Variants in CHST15 observed in about 807,000 individuals in gnomAD.
CHST15 encodes carbohydrate sulfotransferase 15, also known as B cell RAG associated protein (GALNAC4S-6ST).
In CHST15, 30 loss-of-function variants were observed where a neutral mutation model predicts 53.6. The observed-to-expected ratio is 0.56, with a 90% CI of 0.42 to 0.76. The LOEUF (loss-of-function observed/expected upper bound fraction) is 0.76, where lower values mean the gene tolerates loss of function less well. Among genes scored for constraint, CHST15 ranks in the 30% least tolerant of loss-of-function variants. CHST15 has a pLI of 0.00. For missense variants in CHST15, 627 were observed against 740.5 expected (o/e 0.85, Z 1.78); for synonymous variants, 296 against 289.8 (o/e 1.02, Z -0.22).
chr10:124,038,109 TTTTA>T, intron 5 of CHST15, among the ~76,000 whole-genome samples: 3 of 129,286 alleles, frequency 2.3e-5, no homozygotes, highest in Non-Finnish European at 3.4e-5. Flanking sequence ...TTTTATTTTA[TTTTA>T]TTTTTTTTTT....
chr10:124,020,355 C>A (rs1382666293), intron 6 of CHST15: 1 of 985,372 alleles, frequency 1.0e-6, no homozygotes, highest in East Asian at 1.1e-4. Context: ...CTACCTGGCA[C>A]CAGAGCAGGC....
At chr10:124,038,904 C>T (rs1417885746) in intron 4 of CHST15, among the ~76,000 whole-genome samples, 1 of 151,918 alleles carries the variant, frequency 6.6e-6, no homozygotes, top group East Asian at 1.9e-4. Flanking sequence ...GAAGTCCAGG[C>T]GATCCATGCA....
chr10:124,017,364 G>A (rs1166099371), intron 6 of CHST15, among the ~76,000 whole-genome samples: 2 of 152,042 alleles, frequency 1.3e-5, no homozygotes, highest in Non-Finnish European at 2.9e-5. Context: ...CACCTTCTAC[G>A]ACCACATTAG....
At chr10:124,074,000 G>T (rs987188953) in intron 1 of CHST15, among the ~76,000 whole-genome samples, 1 of 152,198 alleles carries the variant, frequency 6.6e-6, no homozygotes, top group Admixed American at 6.5e-5. Flanking sequence ...CAACCTACGG[G>T]CTAGGCACAC....
At chr10:124,039,521 G>C (rs1194910239) in intron 4 of CHST15, among the ~76,000 whole-genome samples, 1 of 152,270 alleles carries the variant, frequency 6.6e-6, no homozygotes, top group Non-Finnish European at 1.5e-5. Context: ...CACACGCCCT[G>C]TCTCCTGCGA....
intron 2 of CHST15, among the ~76,000 whole-genome samples, 193 bp from the exon 3 acceptor site, chr10:124,045,112 CAAAAAAAAAAAAAAAAAA>C (rs758243657): frequency 1.5e-4 from 5 of 33,800 alleles, no homozygotes; most frequent in Non-Finnish European, 3.4e-4. Context: ...CGCCGCCCCA[CAAAAAAAAAAAAAAAAAA>C]AAAAAAAAAA....
intron 1 of CHST15, among the ~76,000 whole-genome samples, chr10:124,056,355 A>G (rs1289596711): frequency 6.6e-6 from 1 of 152,184 alleles, no homozygotes; most frequent in Non-Finnish European, 1.5e-5. Context: ...ACCTCCTTCA[A>G]TCTCCTTTGA....
intron 1 of CHST15, among the ~76,000 whole-genome samples, chr10:124,058,696 C>T (rs1948464397): frequency 6.6e-6 from 1 of 152,172 alleles, no homozygotes; most frequent in South Asian, 2.1e-4. Flanking sequence ...AGGCCAGGGT[C>T]AGTAGTGCTC....
chr10:124,057,151 CCT>C (rs1347501105), intron 1 of CHST15, among the ~76,000 whole-genome samples: 3 of 152,236 alleles, frequency 2.0e-5, no homozygotes, highest in African/African-American at 7.2e-5. Context: ...TCTCTCAGGG[CCT>C]CTGTTTCTCC....
At chr10:124,083,200 T>C (rs372710150) in intron 1 of CHST15, among the ~76,000 whole-genome samples, 30 of 152,336 alleles carry the variant, frequency 2.0e-4, no homozygotes, top group African/African-American at 6.3e-4. Context: ...TACACATGCA[T>C]GTCCTTCGGC....
chr10:124,036,970 G>A lies in CHST15; in HGVS notation c.1190+1545C>T, dbSNP rs1423743352. On this transcript the variant is annotated intron_variant, in intron 5 of 7. Transcript: ENST00000435907. The surrounding 1 kb of genome is among the most constrained non-coding windows in gnomAD (Gnocchi z 5.1). ...CTCAGTGTCCTGGAAGCTGGAGTCT[G>A]AAACCCAGGTGTGGGGCAGAGGTGG... Among the ~76,000 whole-genome samples, 1 of 152,160 alleles carries A rather than the reference G, an allele frequency of 6.6e-6. No homozygotes were observed. The highest frequency in any genetic ancestry group is 1.5e-5 in the Non-Finnish European group (1 of 68,036).
chr10:124,074,139 G>A lies in CHST15; in HGVS notation c.-513+19330C>T, dbSNP rs916763824. Among the ~76,000 whole-genome samples the A allele has an allele frequency of 3.9e-5, 6 of 152,324 alleles. 1 individual carries two copies. The highest frequency in any genetic ancestry group is 1.5e-5 in the Non-Finnish European group (1 of 68,028). On this transcript the variant is annotated intron_variant, in intron 1 of 7. Transcript: ENST00000435907. The surrounding 1 kb of genome is among the most constrained non-coding windows in gnomAD (Gnocchi z 4.4). ...TGTGATTAGCGCAAGCTCAAGTCAC[G>A]CCTGCTGCACCCCCAGGGAAGGTAG...
chr10:124,074,946 C>G lies in CHST15; in HGVS notation c.-513+18523G>C, dbSNP rs1040151003. Among the ~76,000 whole-genome samples, 3 of 152,206 alleles carry G rather than the reference C, an allele frequency of 2.0e-5. No individual in the cohort carries two copies. The highest frequency in any genetic ancestry group is 4.4e-5 in the Non-Finnish European group (3 of 68,032). Reference sequence around the variant, plus strand: ...CCCCCGCGGAGTTAATGATGTTTTGCAGGGAGGACTGTTTCAGCACATTCC... The same window carrying G: ...CCCCCGCGGAGTTAATGATGTTTTGGAGGGAGGACTGTTTCAGCACATTCC... On this transcript the variant is annotated intron_variant, in intron 1 of 7. Coordinates refer to ENST00000435907, the MANE Select transcript of CHST15 (RefSeq NM_001270764.2). The surrounding 1 kb of genome is among the most constrained non-coding windows in gnomAD (Gnocchi z 4.4).
intron 1 of CHST15, among the ~76,000 whole-genome samples, chr10:124,084,036 G>A (rs1450375337): frequency 6.6e-6 from 1 of 152,220 alleles, no homozygotes; most frequent in Admixed American, 6.5e-5. Context: ...GCAGAGAGAT[G>A]TCAGACACTC....
chr10:124,051,145 G>A lies in CHST15; in HGVS notation c.-512-4421C>T, dbSNP rs987618401. Among the ~76,000 whole-genome samples, 12 of 152,100 alleles carry A rather than the reference G, an allele frequency of 7.9e-5. No individual in the cohort carries two copies. The South Asian group carries it at 1.2e-3, about 16-fold the overall frequency. ...TTTAATAGAGACGGAGTTTCACCAT[G>A]TTGGCCAGGCTAGTCTCGAACTCTT... On this transcript the variant is annotated intron_variant, in intron 1 of 7. Transcript: ENST00000435907.
At chr10:124,029,624 T>C (rs796212386) in intron 5 of CHST15, among the ~76,000 whole-genome samples, 8 of 152,326 alleles carry the variant, frequency 5.3e-5, no homozygotes, top group African/African-American at 1.9e-4. Context: ...CACCTTCTCG[T>C]GATTCACCAG....
At chr10:124,077,675 A>C (rs1949120889) in intron 1 of CHST15, among the ~76,000 whole-genome samples, 1 of 152,250 alleles carries the variant, frequency 6.6e-6, no homozygotes, top group African/African-American at 2.4e-5. Flanking sequence ...GCTTAATTTT[A>C]ACCTTCCTTT....
intron 6 of CHST15, among the ~76,000 whole-genome samples, chr10:124,014,710 G>A (rs890814159): frequency 2.6e-4 from 39 of 152,164 alleles, no homozygotes; most frequent in Admixed American, 1.2e-3. Flanking sequence ...TCCAGAGGAC[G>A]TGCCTTTCAA....
intron 1 of CHST15, among the ~76,000 whole-genome samples, chr10:124,059,096 C>T (rs541050241): frequency 3.3e-5 from 5 of 152,324 alleles, no homozygotes; most frequent in African/African-American, 7.2e-5. Flanking sequence ...ACCGGCCACA[C>T]GGTTTAACCA....
Sources: allele counts gnomAD v4.1 joint callset (sites outside exome capture counted in the v4.1 genomes callset), GRCh38; gene constraint gnomAD v4.1.1; non-coding constraint Gnocchi (gnomAD v3.1); transcripts MANE v1.5; gene names NCBI Gene and HGNC (gene_info 2026-07-23, HGNC 2026-07-21).